Variants in ATP11B observed in about 807,000 individuals in gnomAD.
ATP11B encodes the protein ATPase phospholipid transporting 11B (putative).
Under a neutral mutation model 157.8 loss-of-function variants are expected in ATP11B, and 81 were observed. That is an observed-to-expected ratio of 0.51 (90% CI 0.43 to 0.62). The LOEUF is 0.62. Among genes scored for constraint, ATP11B ranks in the 20% least tolerant of loss-of-function variants. The probability of loss-of-function intolerance (pLI) is 0.00; values close to 1 mark genes in which losing one functional copy is unlikely to be tolerated. For synonymous variants in ATP11B, 451 were observed against 469.4 expected (o/e 0.96, Z 0.51); for missense variants, 1,165 against 1,402.2 (o/e 0.83, Z 2.70).
chr3:182,843,306 A>G (rs1719196947), intron 8 of ATP11B, among the ~76,000 whole-genome samples: 2 of 152,208 alleles, frequency 1.3e-5, no homozygotes, highest in African/African-American at 4.8e-5. Context: ...TAGTAAGATT[A>G]TTTGTGTTTT....
At chr3:182,905,870 A>T in intron 28 of ATP11B, 1 of 456,702 alleles carries the variant, frequency 2.2e-6, no homozygotes, top group Non-Finnish European at 4.4e-6. Flanking sequence ...GACAGTAGGC[A>T]CCTGCTAGCT....
chr3:182,798,423 G>A (rs1430115231), intron 1 of ATP11B, among the ~76,000 whole-genome samples: 1 of 152,192 alleles, frequency 6.6e-6, no homozygotes, highest in African/African-American at 2.4e-5. Context: ...CACTGGCCTA[G>A]GGTGGTATTT....
intron 2 of ATP11B, among the ~76,000 whole-genome samples, chr3:182,826,070 A>T (rs1717699057): frequency 6.6e-6 from 1 of 152,232 alleles, no homozygotes. Context: ...ACTTTAAAGC[A>T]TAATAAATTA....
chr3:182,828,621 ATTTAACTTAAATTTAAGTTAT>A (rs1389099988), intron 3 of ATP11B, among the ~76,000 whole-genome samples: 1 of 151,496 alleles, frequency 6.6e-6, no homozygotes, highest in East Asian at 1.9e-4. Context: ...TTTAATTTAA[ATTTAACTTAAATTTAAGTTAT>A]TTAATAAGAA....
intron 23 of ATP11B, 34 bp from the exon 24 acceptor site, chr3:182,887,552 G>A: frequency 1.3e-6 from 2 of 1,587,710 alleles, no homozygotes; most frequent in South Asian, 1.2e-5. Context: ...GCATAATTCA[G>A]AAACTCAACA....
intron 1 of ATP11B, among the ~76,000 whole-genome samples, chr3:182,810,265 G>C (rs976881199): frequency 6.6e-5 from 10 of 152,124 alleles, no homozygotes; most frequent in African/African-American, 2.4e-4. Flanking sequence ...CCAGGAGGTG[G>C]AGGTTGCAGC....
At chr3:182,906,084 A>C (rs1333741366) in intron 28 of ATP11B, among the ~76,000 whole-genome samples, 4 of 151,936 alleles carry the variant, frequency 2.6e-5, no homozygotes, top group Admixed American at 2.6e-4. Flanking sequence ...TGGTCTTTAC[A>C]TTTTTCATAT....
At chr3:182,835,400 C>A (rs561557053) in intron 4 of ATP11B, among the ~76,000 whole-genome samples, 1 of 152,014 alleles carries the variant, frequency 6.6e-6, no homozygotes, top group Non-Finnish European at 1.5e-5. Context: ...ATCATTTGTA[C>A]ATAGAAACAA....
At chr3:182,806,525 A>C (rs557842950) in intron 1 of ATP11B, among the ~76,000 whole-genome samples, 1 of 151,806 alleles carries the variant, frequency 6.6e-6, no homozygotes, top group South Asian at 2.1e-4. Context: ...CTCTTTTCTT[A>C]TTCTCATCTC....
chr3:182,858,341 T>C (rs1411627452), intron 11 of ATP11B, among the ~76,000 whole-genome samples: 1 of 152,274 alleles, frequency 6.6e-6, no homozygotes, highest in African/African-American at 2.4e-5. Flanking sequence ...TTCCACTTAC[T>C]GTGTCTTATA....
rs750333464 is a variant in ATP11B at position 182,889,394 on chromosome 3, C to A, written c.2844-16C>A. ...AATGATCCCTAATATGTTTCTTTTT[C>A]TCTTCTTTTTAACAGAGACATTAGT... On this transcript the variant is annotated splice_polypyrimidine_tract_variant and intron_variant, in intron 24 of 29. Coordinates refer to ENST00000323116, the MANE Select transcript of ATP11B (RefSeq NM_014616.3). The A allele has an allele frequency of 4.4e-5, 66 of 1,505,956 alleles. No homozygotes were observed. The highest frequency in any genetic ancestry group is 5.5e-5 in the Non-Finnish European group (61 of 1,118,962). 93.3% of individuals were successfully genotyped at this position (1,505,956 alleles called of 1,614,324 possible). A position where few individuals can be genotyped will look rare whatever the true frequency, so the allele number is the denominator to read the frequency against.
chr3:182,814,070 T>G (rs1716829044), intron 1 of ATP11B, among the ~76,000 whole-genome samples: 1 of 151,964 alleles, frequency 6.6e-6, no homozygotes, highest in South Asian at 2.1e-4. Context: ...ATTTATTCAT[T>G]TATTTATTTT....
intron 1 of ATP11B, among the ~76,000 whole-genome samples, chr3:182,817,952 T>TA (rs1256920726): frequency 6.6e-6 from 1 of 152,280 alleles, no homozygotes; most frequent in South Asian, 2.1e-4. Context: ...CTTTCTTTTT[T>TA]AAAAAAACTT....
chr3:182,804,343 T>A (rs1461752942), intron 1 of ATP11B, among the ~76,000 whole-genome samples: 2 of 151,988 alleles, frequency 1.3e-5, no homozygotes, highest in Non-Finnish European at 2.9e-5. Context: ...CCTCCAGGGT[T>A]CAGGCCATTC....
chr3:182,801,094 A>C lies in ATP11B; in HGVS notation c.27+7308A>C, dbSNP rs1467189176. 4.6e-5 allele frequency among the ~76,000 whole-genome samples: 7 copies of C among 152,270 alleles called. No homozygotes were observed. In the East Asian group the frequency reaches 9.6e-4, roughly 21 times the overall value. ...TGGGATTACAGGTGTGACCCATCCC[A>C]CCAGGCCTTCCTTTGAAATTTTTAG... On this transcript the variant is annotated intron_variant, in intron 1 of 29. Transcript: ENST00000323116.
intron 24 of ATP11B, 22 bp from the exon 25 acceptor site, chr3:182,889,388 C>T: frequency 6.7e-7 from 1 of 1,488,896 alleles, no homozygotes; most frequent in Non-Finnish European, 9.0e-7. Flanking sequence ...TAATATGTTT[C>T]TTTTTCTCTT....
intron 25 of ATP11B, 30 bp from the exon 26 acceptor site, chr3:182,896,670 G>A (rs780213612): frequency 3.7e-5 from 57 of 1,540,506 alleles, no homozygotes; most frequent in African/African-American, 6.9e-5. Context: ...ATGTTAACAC[G>A]TAATGTAATA....
intron 29 of ATP11B, chr3:182,917,672 A>G: frequency 1.0e-6 from 1 of 985,382 alleles, no homozygotes; most frequent in African/African-American, 1.7e-5. Context: ...TTGTAAACTG[A>G]ACTTTTCAGT....
chr3:182,871,879 T>A (rs929552743), intron 17 of ATP11B, among the ~76,000 whole-genome samples: 2 of 152,000 alleles, frequency 1.3e-5, no homozygotes, highest in Non-Finnish European at 2.9e-5. Flanking sequence ...GCAGTGATGC[T>A]ATTTCGGCTC....
Sources: gnomAD v4.1 joint callset for allele counts (sites outside exome capture counted in the v4.1 genomes callset) on GRCh38, gnomAD v4.1.1 for gene constraint, MANE v1.5 for transcripts, NCBI Gene and HGNC (gene_info 2026-07-23, HGNC 2026-07-21) for gene names.